Variants in ZSWIM7 observed in about 807,000 individuals in gnomAD.
ZSWIM7 encodes zinc finger SWIM-type containing 7, also known as zinc finger SWIM domain-containing protein 7.
ZSWIM7 carries 22 observed loss-of-function variants against 21.1 expected under a neutral mutation model. That is an observed-to-expected ratio of 1.04 (90% confidence interval 0.74 to 1.49). The LOEUF is 1.49. Among genes scored for constraint, ZSWIM7 ranks in the 40% most tolerant of loss-of-function variants. The probability of loss-of-function intolerance (pLI) is 0.00; values close to 1 mark genes in which losing one functional copy is unlikely to be tolerated. For missense variants in ZSWIM7, 193 were observed against 168.0 expected (o/e 1.15, Z -0.82); for synonymous variants, 67 against 66.5 (o/e 1.01, Z -0.04).
chr17:15,985,725 A>G (rs1970401600), intron 3 of ZSWIM7, among the ~76,000 whole-genome samples: 1 of 152,242 alleles, frequency 6.6e-6, no homozygotes, highest in African/African-American at 2.4e-5. Context: ...TGGGAGGAAC[A>G]AAAAGTCAAC....
chr17:15,999,358 G>T (rs1567574028), intron 1 of ZSWIM7, 161 bp downstream of exon 1: 3 of 989,692 alleles, frequency 3.0e-6, no homozygotes, highest in Non-Finnish European at 4.5e-6. Context: ...CTTTTTTGTT[G>T]TTTTGTTTTT....
intron 4 of ZSWIM7, among the ~76,000 whole-genome samples, chr17:15,980,671 G>A (rs77648859): frequency 0.027 from 4,093 of 152,252 alleles, 182 homozygotes; most frequent in African/African-American, 0.093. Flanking sequence ...TGTCTCACAG[G>A]TAGTGCAAAG....
At chr17:15,984,134 G>A (rs1276340072) in intron 3 of ZSWIM7, among the ~76,000 whole-genome samples, 1 of 152,152 alleles carries the variant, frequency 6.6e-6, no homozygotes, top group East Asian at 1.9e-4. Context: ...GAGTTTCCTT[G>A]CCTGAGCCTT....
At chr17:15,992,549 C>T (rs956300463) in intron 2 of ZSWIM7, among the ~76,000 whole-genome samples, 1 of 149,724 alleles carries the variant, frequency 6.7e-6, no homozygotes, top group Admixed American at 6.7e-5. Flanking sequence ...AAGCAATTCT[C>T]CTGACTCAGC....
At chr17:15,998,753 TG>T (rs1970604874) in intron 1 of ZSWIM7, among the ~76,000 whole-genome samples, 2 of 128,442 alleles carry the variant, frequency 1.6e-5, no homozygotes, top group Non-Finnish European at 1.6e-5. Context: ...GCTCTTAAAA[TG>T]CTTTTTTTTT....
intron 1 of ZSWIM7, among the ~76,000 whole-genome samples, chr17:15,996,545 C>A (rs982275059): frequency 1.3e-5 from 2 of 152,046 alleles, no homozygotes; most frequent in African/African-American, 4.8e-5. Context: ...GCCTGGGGAA[C>A]AGAGTGAGAC....
chr17:15,995,863 G>C (rs977266570), intron 1 of ZSWIM7, among the ~76,000 whole-genome samples: 2 of 146,952 alleles, frequency 1.4e-5, no homozygotes, highest in African/African-American at 5.2e-5. Flanking sequence ...ACACTGTGAA[G>C]TGAAAAAAAA....
intron 4 of ZSWIM7, among the ~76,000 whole-genome samples, chr17:15,979,625 C>T (rs1162525339): frequency 7.0e-6 from 1 of 142,548 alleles, no homozygotes; most frequent in Non-Finnish European, 1.5e-5. Context: ...GGGCTGACCC[C>T]CCCACCTCCC....
Position 15,977,927 on chromosome 17 carries a change from G to A in ZSWIM7, c.*120C>T, listed in dbSNP as rs1414604297. The stretch of plus-strand genomic sequence containing the variant: ...CCTCCTGCAGTCCTGGAGGGAAAAG[G>A]GACAGTAACATGAAGTGTCTGAAGA... On this transcript the variant is annotated 3_prime_UTR_variant, in exon 5 of 5. Transcript: ENST00000399277. The A allele has an allele frequency of 3.6e-6, 3 of 841,718 alleles. No homozygotes were observed. Among genetic ancestry groups the A allele is most frequent in the Non-Finnish European group, 5.8e-6 (3 of 516,838 alleles). The allele number at this position is 841,718 out of a possible 1,614,324, so 52.1% of individuals were successfully genotyped here. A position where few individuals can be genotyped will look rare whatever the true frequency, so the allele number is the denominator to read the frequency against.
In ZSWIM7 at chr17:15,999,610, G is replaced by C; in HGVS notation, c.-16C>G. On this transcript the variant is annotated 5_prime_UTR_variant, in exon 1 of 5. Transcript: ENST00000399277. ...CTACGGCCATCGCGCCGCAGGACAC[G>C]CCCTCCACGACCGGCGGACCGCCGC... is the stretch of plus-strand genomic sequence containing the variant. 6.4e-7 allele frequency: 1 copy of C among 1,568,364 alleles called. No homozygotes were observed. Among genetic ancestry groups the C allele is most frequent in the South Asian group, 1.2e-5 (1 of 86,078 alleles).
In ZSWIM7 at chr17:15,978,076, A is replaced by C. The variant is rs762291952; in HGVS notation, c.394T>G (p.Leu132Val). ...SVSDKQLTDI[L>V]LMEKKQEA ...GCTTCTTGTTTCTTCTCCATCAATA[A>C]TATGTCAGTCAACTGCTTGTCAGAG... Residue 132 changes from leucine to valine, a missense_variant, in exon 5 of 5, where the codon TTA becomes GTA. By Grantham distance (32) the Leu-to-Val change is conservative. Transcript: ENST00000399277. The C allele has an allele frequency of 1.2e-6, 2 of 1,614,060 alleles. No homozygotes were observed. Among genetic ancestry groups the C allele is most frequent in the Non-Finnish European group, 1.7e-6 (2 of 1,179,912 alleles).
chr17:15,979,426 C>A (rs557045375), intron 4 of ZSWIM7, among the ~76,000 whole-genome samples: 37 of 152,382 alleles, frequency 2.4e-4, no homozygotes, highest in Middle Eastern at 3.4e-3. Context: ...ATTTCTCAAT[C>A]TTTTCCCTAC....
chr17:15,981,442 A>G (rs1003460785), intron 3 of ZSWIM7, among the ~76,000 whole-genome samples: 19 of 146,664 alleles, frequency 1.3e-4, no homozygotes, highest in African/African-American at 4.8e-4. Flanking sequence ...GGCCCACTCT[A>G]TGGGCTGACT....
intron 1 of ZSWIM7, among the ~76,000 whole-genome samples, chr17:15,994,417 C>T (rs1300098733): frequency 2.0e-5 from 3 of 152,124 alleles, no homozygotes; most frequent in Admixed American, 6.5e-5. Flanking sequence ...GCCTGAGTTA[C>T]ACTCCAAAAT....
In ZSWIM7 at chr17:15,985,497, T is replaced by A. The variant is rs59969550; in HGVS notation, c.201+1769A>T. On this transcript the variant is annotated intron_variant, in intron 3 of 4. Coordinates refer to ENST00000399277, the MANE Select transcript of ZSWIM7 (RefSeq NM_001042697.2). Reference sequence around the variant, plus strand: ...CTCAACTTTTATCATCTCATACAACTCCTGAATTCAGCCAAATTCTTACTA... The same window carrying A: ...CTCAACTTTTATCATCTCATACAACACCTGAATTCAGCCAAATTCTTACTA... Among the ~76,000 whole-genome samples, 768 of 152,216 alleles carry A rather than the reference T, an allele frequency of 5.0e-3. 9 individuals carry two copies. Among genetic ancestry groups the A allele is most frequent in the African/African-American group, 0.017 (722 of 41,538 alleles).
At position 15,999,381 on chromosome 17, in the gene ZSWIM7, G is replaced by T. The variant is rs773185091; in HGVS notation, c.76+138C>A. 4.6e-6 allele frequency: 5 copies of T among 1,095,186 alleles called. No individual in the cohort carries two copies. In the Admixed American group the frequency reaches 9.6e-5, roughly 21 times the overall value. 67.8% of individuals were successfully genotyped at this position (1,095,186 alleles called of 1,614,324 possible). ...TTGTTTTGTTTTTTTGTCTTTTTAC[G>T]AACAAGAGGTTTAGAGAACCACATG... On this transcript the variant is annotated intron_variant, in intron 1 of 4. Transcript: ENST00000399277.
At chr17:15,996,361 C>T (rs7211756) in intron 1 of ZSWIM7, among the ~76,000 whole-genome samples, 9,636 of 152,054 alleles carry the variant, frequency 0.063, 785 homozygotes, top group African/African-American at 0.19. Context: ...AAGCCTCAAA[C>T]AGGGGCCGGT....
intron 2 of ZSWIM7, among the ~76,000 whole-genome samples, chr17:15,990,327 A>G (rs1269618568): frequency 1.3e-5 from 2 of 150,806 alleles, no homozygotes; most frequent in South Asian, 2.1e-4. Flanking sequence ...AAAGTTTTTT[A>G]TAAGTGTGGG....
At chr17:15,991,520 T>G (rs543793807) in intron 2 of ZSWIM7, among the ~76,000 whole-genome samples, 119 of 152,360 alleles carry the variant, frequency 7.8e-4, no homozygotes, top group African/African-American at 2.6e-3. Context: ...TGGTCACTAA[T>G]TTTCTAGATG....
Sources: allele counts gnomAD v4.1 joint callset (sites outside exome capture counted in the v4.1 genomes callset), GRCh38; gene constraint gnomAD v4.1.1; transcripts MANE v1.5; gene names NCBI Gene and HGNC (gene_info 2026-07-23, HGNC 2026-07-21).